COL28A1: variants seen among roughly 807,000 people sequenced by gnomAD.
COL28A1 encodes the protein collagen type XXVIII alpha 1 chain, also known as collagen alpha-1(XXVIII) chain.
Under a neutral mutation model 150.2 loss-of-function variants are expected in COL28A1, and 161 were observed. The ratio of observed to expected loss-of-function variants is 1.07; its 90% CI spans 0.94 to 1.22. The LOEUF (loss-of-function observed/expected upper bound fraction) is 1.22. Ranked by LOEUF, COL28A1 falls within the 50% of genes most tolerant of loss-of-function variation. The pLI is 0.00. For missense variants in COL28A1, 1,617 were observed against 1,388.3 expected (o/e 1.16, Z -2.62); for synonymous variants, 552 against 469.7 (o/e 1.18, Z -2.26).
At chr7:7,351,759 A>ATGTG (rs1490059869), downstream of COL28A1, among the ~76,000 whole-genome samples, 1 of 151,912 alleles carries the variant, frequency 6.6e-6, no homozygotes, top group Non-Finnish European at 1.5e-5. Flanking sequence ...GTGTGTGTGT[A>ATGTG]TGTGTGTGTA....
chr7:7,387,393 T>C (rs943535777), intron 27 of COL28A1, among the ~76,000 whole-genome samples: 1 of 152,136 alleles, frequency 6.6e-6, no homozygotes, highest in African/African-American at 2.4e-5. Context: ...TAAAAAGAAT[T>C]AGATAAACAC....
Position 7,358,522 on chromosome 7 carries a change from A to C in COL28A1, c.*111T>G, listed in dbSNP as rs115946113. On this transcript the variant is annotated 3_prime_UTR_variant, in exon 35 of 35. Transcript: ENST00000399429. ...GTAGTGAGAATTCAATTACATGTATAAGTTGTAAATACTCAGTATACACTC... is the reference window on the plus strand; with the variant it reads ...GTAGTGAGAATTCAATTACATGTATCAGTTGTAAATACTCAGTATACACTC... 2,187 of 952,938 alleles carry C rather than the reference A, an allele frequency of 2.3e-3. 30 individuals carry two copies. The African/African-American group carries it at 0.032, about 14-fold the overall frequency. 59.0% of individuals were successfully genotyped at this position (952,938 alleles called of 1,614,324 possible). A position where few individuals can be genotyped will look rare whatever the true frequency, so the allele number is the denominator to read the frequency against.
rs367823573 is a variant in COL28A1, at chr7:7,456,066, C to G, written c.1349G>C (p.Gly450Ala). The change falls in exon 16 of 35, where the codon GGA (glycine) becomes GCA (alanine). Residue 450 changes from glycine (G) to alanine (A), a missense_variant. By Grantham distance (60) the Gly-to-Ala change is moderately conservative (BLOSUM62 0). Transcript: ENST00000399429. ...TACCTGTTCCCCTTGACTCCCGATT[C>G]CAGGGATACCCATTGGTCCTTGGGG... The part of the protein sequence containing the change: ...VGPQGPMGIP[G>A]IGSQGEQGIQ... 2.5e-6 allele frequency: 4 copies of G among 1,613,818 alleles called. No individual in the cohort carries two copies. Among genetic ancestry groups the G allele is most frequent in the Admixed American group, 1.7e-5 (1 of 59,982 alleles).
At chr7:7,426,855 T>C (rs1784664989) in intron 25 of COL28A1, among the ~76,000 whole-genome samples, 1 of 152,220 alleles carries the variant, frequency 6.6e-6, no homozygotes, top group Non-Finnish European at 1.5e-5. Flanking sequence ...TTATTTAGCT[T>C]GGTTAGAAAC....
At chr7:7,533,806 G>T (rs989238894) in intron 1 of COL28A1, among the ~76,000 whole-genome samples, 1 of 152,160 alleles carries the variant, frequency 6.6e-6, no homozygotes, top group African/African-American at 2.4e-5. Context: ...AGACTCATGT[G>T]TTGCTGCCTC....
intron 21 of COL28A1, among the ~76,000 whole-genome samples, chr7:7,440,366 C>A (rs771326490): frequency 6.6e-6 from 1 of 152,266 alleles, no homozygotes; most frequent in African/African-American, 2.4e-5. Flanking sequence ...CGACTTGCTC[C>A]AAGAGGTTCA....
intron 15 of COL28A1, among the ~76,000 whole-genome samples, chr7:7,470,660 A>T (rs1474056949): frequency 1.6e-5 from 1 of 60,812 alleles, no homozygotes; most frequent in African/African-American, 1.0e-4. Context: ...ACACATGCAC[A>T]CGTATGTTTA....
At position 7,358,023 on chromosome 7, in the gene COL28A1, C is replaced by A. The variant is rs1031210697; in HGVS notation, c.*610G>T. The stretch of plus-strand genomic sequence containing the variant: ...AACATGTTGGAGGAATACAAAGTGA[C>A]AGTCTGTGATACATTTAAGTAATTG... On this transcript the variant is annotated 3_prime_UTR_variant, in exon 35 of 35. Coordinates refer to ENST00000399429, the MANE Select transcript of COL28A1 (RefSeq NM_001037763.3). The A allele has an allele frequency of 3.9e-5, 6 of 152,188 alleles. No homozygotes were observed. The highest frequency in any genetic ancestry group is 1.3e-4 in the Admixed American group (2 of 15,264). The allele number at this position is 152,188 out of a possible 1,614,324, so 9.4% of individuals were successfully genotyped here.
rs562655629 is a variant in COL28A1 at position 7,452,465 on chromosome 7, A to G, written c.1441-78T>C. 49 of 1,509,158 alleles carry G rather than the reference A, an allele frequency of 3.2e-5. 1 individual carries two copies. The East Asian group carries it at 1.0e-3, about 31-fold the overall frequency. The allele number at this position is 1,509,158 out of a possible 1,614,324, so 93.5% of individuals were successfully genotyped here. ...CTGTTGATCTCCTAAAACCTGTCTT[A>G]TATCAACAAAGTAAAACAGTTTCAT... On this transcript the variant is annotated intron_variant, in intron 17 of 34. Transcript: ENST00000399429.
In COL28A1 at chr7:7,521,941, T is replaced by C. The variant is rs974028169; in HGVS notation, c.723A>G (p.Glu241=). 1.7e-6 allele frequency: 2 copies of C among 1,145,354 alleles called. No individual in the cohort carries two copies. The highest frequency in any genetic ancestry group is 2.7e-6 in the Non-Finnish European group (2 of 751,512). 70.9% of individuals were successfully genotyped at this position (1,145,354 alleles called of 1,614,324 possible). The change falls in exon 5 of 35, where the codon GAA becomes GAG. Residue 241 remains glutamate, a synonymous_variant. Transcript: ENST00000399429. The part of the protein sequence containing the change: ...FEKKCERKIC[E]CEKGDPGDPG... ...GATCACCTGGATCTCCCTTCTCACA[T>C]TCACAAATCTTGCGTTCACACTGAA...
chr7:7,467,934 A>G (rs1244526032), intron 15 of COL28A1, among the ~76,000 whole-genome samples: 1 of 142,390 alleles, frequency 7.0e-6, no homozygotes, highest in East Asian at 2.1e-4. Context: ...AACATTCCAG[A>G]ATCTCTGGGA....
chr7:7,366,585 G>A (rs1780943195), intron 33 of COL28A1, among the ~76,000 whole-genome samples: 1 of 152,180 alleles, frequency 6.6e-6, no homozygotes, highest in Non-Finnish European at 1.5e-5. Context: ...ATAATTAGTT[G>A]TTACGCAGGG....
At chr7:7,537,967 T>C (rs1174093400), upstream of COL28A1, among the ~76,000 whole-genome samples, 3 of 152,158 alleles carry the variant, frequency 2.0e-5, no homozygotes, top group East Asian at 5.8e-4. Context: ...ATGGGGGAAA[T>C]GGACTAAAGC....
chr7:7,389,429 G>C (rs1295686263), intron 27 of COL28A1, among the ~76,000 whole-genome samples: 1 of 152,034 alleles, frequency 6.6e-6, no homozygotes, highest in Non-Finnish European at 1.5e-5. Flanking sequence ...GTCAGGTAGC[G>C]TAATCCCTCC....
intron 27 of COL28A1, among the ~76,000 whole-genome samples, chr7:7,392,355 A>G (rs1333061787): frequency 1.3e-5 from 2 of 152,182 alleles, no homozygotes; most frequent in African/African-American, 4.8e-5. Context: ...TGTTAGTCTG[A>G]TGTGCTTCCC....
intron 27 of COL28A1, among the ~76,000 whole-genome samples, chr7:7,414,558 A>T (rs917254845): frequency 6.6e-6 from 1 of 152,322 alleles, no homozygotes; most frequent in African/African-American, 2.4e-5. Flanking sequence ...CCAGGACCAG[A>T]GCTACCACAG....
intron 30 of COL28A1, among the ~76,000 whole-genome samples, chr7:7,376,727 A>AATACT (rs111297818): frequency 0.9 from 136,758 of 151,682 alleles, 61,771 homozygotes; most frequent in East Asian, 1. Context: ...AAACGGAGAA[A>AATACT]ATACACCAAG....
chr7:7,375,198 C>T (rs1301540513), intron 31 of COL28A1, among the ~76,000 whole-genome samples: 1 of 152,198 alleles, frequency 6.6e-6, no homozygotes, highest in Non-Finnish European at 1.5e-5. Context: ...ACTGTGCTAA[C>T]AAAAGGCCCG....
intron 27 of COL28A1, among the ~76,000 whole-genome samples, chr7:7,409,242 T>C (rs915146573): frequency 2.0e-5 from 3 of 152,172 alleles, no homozygotes; most frequent in Non-Finnish European, 2.9e-5. Flanking sequence ...ATGCCTTTTA[T>C]AAATTTTCAA....
Sources: gnomAD v4.1 joint callset for allele counts (sites outside exome capture counted in the v4.1 genomes callset) on GRCh38, gnomAD v4.1.1 for gene constraint, MANE v1.5 for transcripts, NCBI Gene and HGNC (gene_info 2026-07-23, HGNC 2026-07-21) for gene names.